Variants in RNF13 observed in about 807,000 individuals in gnomAD.
The protein encoded by RNF13 is E3 ubiquitin-protein ligase RNF13.
Under a neutral mutation model 37.7 loss-of-function variants are expected in RNF13, and 19 were observed. That is an observed-to-expected ratio of 0.50 (90% confidence interval 0.35 to 0.74). The LOEUF (loss-of-function observed/expected upper bound fraction) is 0.74, where lower values mean the gene tolerates loss of function less well. Ranked by LOEUF, RNF13 falls within the 30% of genes least tolerant of loss-of-function variation. RNF13 has a pLI of 0.01. For synonymous variants in RNF13, 144 were observed against 157.8 expected (o/e 0.91, Z 0.65); for missense variants, 375 against 453.0 (o/e 0.83, Z 1.56).
At chr3:149,864,173 G>T (rs79145175) in intron 3 of RNF13, among the ~76,000 whole-genome samples, 2,573 of 151,930 alleles carry the variant, frequency 0.017, 80 homozygotes, top group African/African-American at 0.058. Flanking sequence ...CAGGGAAGTG[G>T]ATCCCTCATG....
In RNF13 at chr3:149,872,029, G is replaced by A; in HGVS notation, c.196G>A (p.Gly66Ser). The change falls in exon 4 of 10, where the codon GGT becomes AGT. Residue 66 changes from glycine to serine, a missense_variant and splice_region_variant. Transcript: ENST00000392894. ...ATAATTTTTACCAATTCTTTTTCAG[G>A]GTTTTTTGATTAACTCAAAACCAGA... ...GYRLPAEGLKGFLINSKPENA... is the reference protein window; with the variant it reads ...GYRLPAEGLKSFLINSKPENA... The A allele has an allele frequency of 6.3e-7, 1 of 1,582,052 alleles. No homozygotes were observed. The highest frequency in any genetic ancestry group is 8.5e-7 in the Non-Finnish European group (1 of 1,170,800).
At chr3:149,937,158 C>CTAGCCCTACTTCCACGT (rs1719775562) in intron 8 of RNF13, among the ~76,000 whole-genome samples, 1 of 152,138 alleles carries the variant, frequency 6.6e-6, no homozygotes, top group Non-Finnish European at 1.5e-5. Flanking sequence ...GCTGGAGTTG[C>CTAGCCCTACTTCCACGT]TAGCCCTACT....
At chr3:149,954,567 G>A (rs1721677494) in intron 8 of RNF13, among the ~76,000 whole-genome samples, 1 of 152,180 alleles carries the variant, frequency 6.6e-6, no homozygotes, top group Admixed American at 6.5e-5. Flanking sequence ...CATTGGCATA[G>A]CTTGTAATAC....
At chr3:149,953,137 A>G (rs867858460) in intron 8 of RNF13, among the ~76,000 whole-genome samples, 2 of 152,032 alleles carry the variant, frequency 1.3e-5, no homozygotes, top group African/African-American at 4.8e-5. Flanking sequence ...AAGCTAGATT[A>G]CCCAAAGTTA....
chr3:149,917,824 C>T (rs1015154800), intron 7 of RNF13, among the ~76,000 whole-genome samples: 10 of 152,030 alleles, frequency 6.6e-5, no homozygotes, highest in African/African-American at 1.4e-4. Context: ...TCCATTAGTT[C>T]GAACTTGTGA....
intron 7 of RNF13, among the ~76,000 whole-genome samples, chr3:149,919,562 T>C (rs948819122): frequency 6.6e-6 from 1 of 152,248 alleles, no homozygotes; most frequent in Admixed American, 6.5e-5. Context: ...TTTGTATATG[T>C]TATTGAGTGC....
At chr3:149,939,680 G>T in intron 8 of RNF13, 1 of 777,296 alleles carries the variant, frequency 1.3e-6, no homozygotes, top group Non-Finnish European at 2.2e-6. Context: ...GATAACTGGT[G>T]CTCATTTTCA....
intron 4 of RNF13, among the ~76,000 whole-genome samples, chr3:149,890,780 T>C (rs1714615651): frequency 1.3e-5 from 2 of 152,176 alleles, no homozygotes; most frequent in Non-Finnish European, 2.9e-5. Flanking sequence ...CTTCTTCCCA[T>C]ATGAAAAAAT....
At chr3:149,871,460 TC>T (rs2108440927) in intron 3 of RNF13, among the ~76,000 whole-genome samples, 1 of 150,502 alleles carries the variant, frequency 6.6e-6, no homozygotes, top group South Asian at 2.1e-4. Flanking sequence ...ATACAGGTCT[TC>T]CTTATTTTTT....
intron 2 of RNF13, among the ~76,000 whole-genome samples, chr3:149,848,510 G>A (rs1461344044): frequency 2.0e-5 from 3 of 152,158 alleles, no homozygotes; most frequent in Non-Finnish European, 4.4e-5. Flanking sequence ...GAAAATAAGA[G>A]CACCTCCTTT....
intron 1 of RNF13, among the ~76,000 whole-genome samples, chr3:149,838,187 A>C (rs1721820792): frequency 6.6e-6 from 1 of 152,208 alleles, no homozygotes; most frequent in Admixed American, 6.5e-5. Flanking sequence ...TACAGTGTAC[A>C]GCCTTCCTCT....
At chr3:149,839,820 A>T (rs1331733500) in intron 1 of RNF13, among the ~76,000 whole-genome samples, 5 of 152,198 alleles carry the variant, frequency 3.3e-5, no homozygotes, top group African/African-American at 9.6e-5. Context: ...TTATTCCGAA[A>T]ATGTATTTTT....
chr3:149,924,359 G>A (rs971113215), intron 8 of RNF13, among the ~76,000 whole-genome samples: 1 of 152,164 alleles, frequency 6.6e-6, no homozygotes, highest in Non-Finnish European at 1.5e-5. Context: ...TATATCATTA[G>A]ACTGGATGAG....
intron 9 of RNF13, among the ~76,000 whole-genome samples, chr3:149,960,357 C>T (rs991600271): frequency 1.3e-4 from 20 of 152,010 alleles, no homozygotes; most frequent in African/African-American, 4.1e-4. Flanking sequence ...TTTGGGAGGC[C>T]GAGGCAGGCA....
intron 1 of RNF13, among the ~76,000 whole-genome samples, chr3:149,840,359 CTT>C (rs1269930505): frequency 6.6e-6 from 1 of 151,990 alleles, no homozygotes; most frequent in African/African-American, 2.4e-5. Flanking sequence ...AGAAGTGTGA[CTT>C]TTTTTATTAT....
At chr3:149,935,410 T>G (rs1459695644) in intron 8 of RNF13, among the ~76,000 whole-genome samples, 1 of 152,184 alleles carries the variant, frequency 6.6e-6, no homozygotes, top group Non-Finnish European at 1.5e-5. Context: ...CCTGTCATTT[T>G]GTTGTTTGTT....
intron 8 of RNF13, among the ~76,000 whole-genome samples, chr3:149,947,719 A>G (rs756391052): frequency 6.6e-6 from 1 of 151,980 alleles, no homozygotes; most frequent in African/African-American, 2.4e-5. Flanking sequence ...CAGTTCTGTC[A>G]ATGTTGCTTC....
At position 149,960,687 on chromosome 3, in the gene RNF13, T is replaced by TAA. The variant is rs1341291640; in HGVS notation, c.782-50_782-49dup. 9 of 1,513,366 alleles carry TAA rather than the reference T, an allele frequency of 5.9e-6. No homozygotes were observed. In the African/African-American group the frequency reaches 1.3e-4, roughly 21 times the overall value. 93.7% of individuals were successfully genotyped at this position (1,513,366 alleles called of 1,614,324 possible). A position where few individuals can be genotyped will look rare whatever the true frequency, so the allele number is the denominator to read the frequency against. ...AATAAATATGGCAAGAGATTAAATA[T>TAA]AAAAGTATCAACCGCAGCATACTAA... On this transcript the variant is annotated intron_variant, in intron 9 of 9. Coordinates refer to ENST00000392894, the MANE Select transcript of RNF13 (RefSeq NM_183381.3).
chr3:149,956,616 G>C (rs1366444712), intron 8 of RNF13, among the ~76,000 whole-genome samples: 1 of 152,162 alleles, frequency 6.6e-6, no homozygotes, highest in Non-Finnish European at 1.5e-5. Context: ...AGATTGATGA[G>C]ATTTACTTTA....
Sources: allele counts gnomAD v4.1 joint callset (sites outside exome capture counted in the v4.1 genomes callset), GRCh38; gene constraint gnomAD v4.1.1; transcripts MANE v1.5; gene names NCBI Gene and HGNC (gene_info 2026-07-23, HGNC 2026-07-21).